The following ZNF407 variants were observed in gnomAD, a reference collection of about 807,000 sequenced individuals.
The protein encoded by ZNF407 is zinc finger protein 407.
ZNF407 carries 17 observed loss-of-function variants against 131.2 expected under a neutral mutation model. That is an observed-to-expected ratio of 0.13 (90% confidence interval 0.09 to 0.19). The LOEUF (loss-of-function observed/expected upper bound fraction) is 0.19. ZNF407 is among the 10% of genes least tolerant of loss of function. The pLI, the probability that ZNF407 is intolerant of heterozygous loss-of-function variation, is 1.00. For missense variants in ZNF407, 2,681 were observed against 2,830.6 expected, an observed-to-expected ratio of 0.95 and a Z score of 1.20; for synonymous variants, 1,156 against 1,062.0, an observed-to-expected ratio of 1.09 and a Z score of -1.72.
chr18:74,787,547 T>G (rs186405190), intron 4 of ZNF407, among the ~76,000 whole-genome samples: 1 of 152,272 alleles, frequency 6.6e-6, no homozygotes, highest in Non-Finnish European at 1.5e-5. Flanking sequence ...TCTTCAAGCT[T>G]CTCTCTTGGT....
In ZNF407 at chr18:74,635,980, G is replaced by C. The variant is rs1291411620; in HGVS notation, c.4687+274G>C. ...CCTCTGATGCCTTTTAAAAACTGCTGTCTGTTGGCGGCTTTTCAGTTGTTT... is the reference window on the plus strand; with the variant it reads ...CCTCTGATGCCTTTTAAAAACTGCTCTCTGTTGGCGGCTTTTCAGTTGTTT... On this transcript the variant is annotated intron_variant, in intron 2 of 8. Coordinates refer to ENST00000299687, the MANE Select transcript of ZNF407 (RefSeq NM_017757.3). This position sits in a 1 kb window ranked among gnomAD's most constrained non-coding sequence, Gnocchi z 4.7. Among the ~76,000 whole-genome samples, 2 of 152,160 alleles carry C rather than the reference G, an allele frequency of 1.3e-5. No homozygotes were observed. Among genetic ancestry groups the C allele is most frequent in the Admixed American group, 1.3e-4 (2 of 15,282 alleles).
At chr18:74,944,224 T>A (rs1420548489) in intron 8 of ZNF407, among the ~76,000 whole-genome samples, 2 of 152,126 alleles carry the variant, frequency 1.3e-5, no homozygotes, top group Non-Finnish European at 2.9e-5. Context: ...CTGTTACTAA[T>A]TTTTTTAATT....
At chr18:75,046,437 C>T (rs977112159) in intron 8 of ZNF407, among the ~76,000 whole-genome samples, 1 of 152,202 alleles carries the variant, frequency 6.6e-6, no homozygotes, top group Non-Finnish European at 1.5e-5. Context: ...AACCAAGTCA[C>T]TGTGCATCCC....
intron 3 of ZNF407, among the ~76,000 whole-genome samples, chr18:74,643,739 T>C (rs776366352): frequency 5.3e-5 from 8 of 152,040 alleles, no homozygotes; most frequent in Non-Finnish European, 7.4e-5. Context: ...CAGATCTTTA[T>C]ATTAGATGAT....
At chr18:75,012,436 G>A (rs1487324663) in intron 8 of ZNF407, among the ~76,000 whole-genome samples, 1 of 151,618 alleles carries the variant, frequency 6.6e-6, no homozygotes, top group Non-Finnish European at 1.5e-5. Flanking sequence ...GGCTCTGGGG[G>A]TATCTACAGT....
chr18:74,633,566 A>C lies in ZNF407; in HGVS notation c.2547A>C (p.Ser849=). 8 of 1,614,010 alleles carry C rather than the reference A, an allele frequency of 5.0e-6. No homozygotes were observed. The highest frequency in any genetic ancestry group is 6.8e-6 in the Non-Finnish European group (8 of 1,179,836). ...PKRGRPKGNI[S]RTCSHCGLLA... Reference sequence around the variant, plus strand: ...GAGGGAGACCTAAAGGTAACATCTCACGGACGTGTTCACACTGTGGCCTTT... The same window carrying C: ...GAGGGAGACCTAAAGGTAACATCTCCCGGACGTGTTCACACTGTGGCCTTT... Residue 849 remains serine, a synonymous_variant, in exon 2 of 9, where the codon TCA becomes TCC. Coordinates refer to ENST00000299687, the MANE Select transcript of ZNF407 (RefSeq NM_017757.3).
intron 8 of ZNF407, among the ~76,000 whole-genome samples, chr18:75,027,907 T>C (rs1025117075): frequency 6.6e-6 from 1 of 152,134 alleles, no homozygotes; most frequent in Non-Finnish European, 1.5e-5. Context: ...GCCTGTACTT[T>C]CCACACCTCC....
At chr18:74,946,116 A>G (rs1972151310) in intron 8 of ZNF407, among the ~76,000 whole-genome samples, 1 of 152,256 alleles carries the variant, frequency 6.6e-6, no homozygotes, top group African/African-American at 2.4e-5. Context: ...AAGCTGTACT[A>G]TCTAGAGGTA....
intron 1 of ZNF407, among the ~76,000 whole-genome samples, chr18:74,611,231 G>T (rs1436639381): frequency 6.6e-6 from 1 of 152,192 alleles, no homozygotes; most frequent in Non-Finnish European, 1.5e-5. Flanking sequence ...TAGGAAAGGG[G>T]TCTTAAAAAG....
At chr18:75,005,003 G>T (rs1050787949) in intron 8 of ZNF407, among the ~76,000 whole-genome samples, 4 of 152,142 alleles carry the variant, frequency 2.6e-5, no homozygotes, top group African/African-American at 4.8e-5. Flanking sequence ...TGCTTGGAAG[G>T]AAAATAGGAG....
At chr18:74,816,781 T>C (rs1009644624) in intron 4 of ZNF407, among the ~76,000 whole-genome samples, 1 of 152,170 alleles carries the variant, frequency 6.6e-6, no homozygotes, top group African/African-American at 2.4e-5. Flanking sequence ...TGATTTTGAG[T>C]TTTGATCAAT....
intron 4 of ZNF407, among the ~76,000 whole-genome samples, chr18:74,872,138 T>G (rs1205667695): frequency 6.6e-6 from 1 of 152,074 alleles, no homozygotes; most frequent in Non-Finnish European, 1.5e-5. Flanking sequence ...AGCACTGTGC[T>G]GCCGTCAGCC....
chr18:74,766,159 CTG>C (rs1969227577), intron 3 of ZNF407, among the ~76,000 whole-genome samples: 1 of 152,076 alleles, frequency 6.6e-6, no homozygotes, highest in Non-Finnish European at 1.5e-5. Flanking sequence ...TAACTAGTCT[CTG>C]TAAGGCGTTG....
intron 2 of ZNF407, among the ~76,000 whole-genome samples, chr18:74,638,747 G>A (rs1340269243): frequency 6.6e-6 from 1 of 152,160 alleles, no homozygotes; most frequent in African/African-American, 2.4e-5. Flanking sequence ...TGGAACTGTT[G>A]CAAATAATAT....
intron 4 of ZNF407, among the ~76,000 whole-genome samples, chr18:74,871,877 T>C (rs1971092103): frequency 6.6e-6 from 1 of 151,872 alleles, no homozygotes. Context: ...TTTTTTTTTT[T>C]TTGAAACAGA....
At chr18:74,783,036 G>A (rs7229235) in intron 4 of ZNF407, among the ~76,000 whole-genome samples, 97,095 of 152,018 alleles carry the variant, frequency 0.64, 33,315 homozygotes, top group East Asian at 0.95. Context: ...AATAATTTGC[G>A]ACATGTCAAA....
chr18:74,941,159 C>G (rs1240444490), intron 8 of ZNF407, among the ~76,000 whole-genome samples: 1 of 152,182 alleles, frequency 6.6e-6, no homozygotes, highest in Non-Finnish European at 1.5e-5. Context: ...GCAGCTTCTT[C>G]CCATTGCCAC....
chr18:74,630,870 C>T, intron 1 of ZNF407, 97 bp from the exon 2 acceptor site: 8 of 915,688 alleles, frequency 8.7e-6, no homozygotes, highest in Non-Finnish European at 1.3e-5. Context: ...AAGGGTGTTT[C>T]ATTGGGGCTA....
chr18:74,779,119 T>A (rs1214453094), intron 3 of ZNF407, among the ~76,000 whole-genome samples: 9 of 80,580 alleles, frequency 1.1e-4, no homozygotes, highest in African/African-American at 3.0e-4. Context: ...ATTTTTTTTT[T>A]TTTTTTTTTT....
Sources: gnomAD v4.1 joint callset for allele counts (sites outside exome capture counted in the v4.1 genomes callset) on GRCh38, gnomAD v4.1.1 for gene constraint, Gnocchi (gnomAD v3.1) non-coding constraint, MANE v1.5 for transcripts, NCBI Gene and HGNC (gene_info 2026-07-23, HGNC 2026-07-21) for gene names.